DBX2: variants seen among roughly 807,000 people sequenced by gnomAD.
The protein encoded by DBX2 is homeobox protein DBX2.
Under a neutral mutation model 17.7 loss-of-function variants are expected in DBX2, and 16 were observed. That is an observed-to-expected ratio of 0.90 (90% CI 0.61 to 1.37). The LOEUF (loss-of-function observed/expected upper bound fraction) is 1.37. DBX2 is among the 40% of genes most tolerant of loss of function. The pLI, the probability that DBX2 is intolerant of heterozygous loss-of-function variation, is 0.00. For missense variants in DBX2, 538 were observed against 433.8 expected (o/e 1.24, Z -2.13); for synonymous variants, 255 against 183.8 (o/e 1.39, Z -3.13).
In DBX2 at chr12:45,023,862, C is replaced by G. The variant is rs765692517; in HGVS notation, c.532G>C (p.Asp178His). The change falls in exon 3 of 4, where the codon GAC (aspartate) becomes CAC (histidine). Residue 178 changes from aspartate to histidine, a missense_variant. Transcript: ENST00000332700. ...CCCCTCCGAGCTTTGGAATTAGAGT[C>G]CTGTGTCAGGAGAGGCAGCATGCTC... is the stretch of plus-strand genomic sequence containing the variant. Reference protein sequence around the residue: ...EESMLPLLTQDSNSKARRGIL... With the variant: ...EESMLPLLTQHSNSKARRGIL... 1.3e-6 allele frequency: 2 copies of G among 1,590,478 alleles called. No individual in the cohort carries two copies. Among genetic ancestry groups the G allele is most frequent in the Non-Finnish European group, 1.7e-6 (2 of 1,170,800 alleles).
Position 45,050,451 on chromosome 12 carries a change from G to T in DBX2, c.403+74C>A. 5 of 1,508,074 alleles carry T rather than the reference G, an allele frequency of 3.3e-6. No individual in the cohort carries two copies. In the South Asian group the frequency reaches 6.4e-5, roughly 19 times the overall value. 93.4% of individuals were successfully genotyped at this position (1,508,074 alleles called of 1,614,324 possible). A position where few individuals can be genotyped will look rare whatever the true frequency, so the allele number is the denominator to read the frequency against. Reference sequence around the variant, plus strand: ...TCCCTGGGCGCAGTGCGCACCGCCGGCGCTCCCAGATCCCTGGACCACCCG... The same window carrying T: ...TCCCTGGGCGCAGTGCGCACCGCCGTCGCTCCCAGATCCCTGGACCACCCG... On this transcript the variant is annotated intron_variant, in intron 1 of 3. Transcript: ENST00000332700.
At chr12:45,032,200 A>C (rs898634397) in intron 2 of DBX2, among the ~76,000 whole-genome samples, 2 of 152,176 alleles carry the variant, frequency 1.3e-5, no homozygotes, top group Non-Finnish European at 2.9e-5. Flanking sequence ...CCATTTATCT[A>C]TGGAACACCC....
At chr12:45,026,595 T>G (rs569724931) in intron 2 of DBX2, among the ~76,000 whole-genome samples, 46 of 152,352 alleles carry the variant, frequency 3.0e-4, no homozygotes, top group African/African-American at 1.1e-3. Flanking sequence ...ATAAACTGAT[T>G]TGTATTTTAG....
At chr12:45,019,956 A>G (rs966374921) in intron 3 of DBX2, among the ~76,000 whole-genome samples, 14 of 152,284 alleles carry the variant, frequency 9.2e-5, no homozygotes, top group Admixed American at 8.5e-4. Flanking sequence ...GAAGATTCTC[A>G]CAAACATACT....
chr12:45,019,067 G>A (rs984281985), intron 3 of DBX2, among the ~76,000 whole-genome samples: 7 of 151,882 alleles, frequency 4.6e-5, no homozygotes, highest in Non-Finnish European at 1.0e-4. Flanking sequence ...ATGAATGGTC[G>A]TGATGGTTTC....
At chr12:45,022,306 T>G (rs1946357067) in intron 3 of DBX2, among the ~76,000 whole-genome samples, 1 of 137,504 alleles carries the variant, frequency 7.3e-6, no homozygotes, top group African/African-American at 2.7e-5. Flanking sequence ...CTGTTTTTTT[T>G]TTTTTTTTTT....
chr12:45,033,806 T>C (rs934713659), intron 2 of DBX2, among the ~76,000 whole-genome samples: 2 of 152,186 alleles, frequency 1.3e-5, no homozygotes, highest in Non-Finnish European at 2.9e-5. Context: ...TTTCAGCTTC[T>C]ATATTTATTT....
chr12:45,024,749 G>C (rs901440591), intron 2 of DBX2, among the ~76,000 whole-genome samples: 1 of 152,188 alleles, frequency 6.6e-6, no homozygotes, highest in Non-Finnish European at 1.5e-5. Context: ...CAAATGTGTT[G>C]TATTCCTAAG....
intron 3 of DBX2, among the ~76,000 whole-genome samples, chr12:45,016,898 C>T (rs1422148281): frequency 1.3e-5 from 2 of 152,126 alleles, no homozygotes; most frequent in Admixed American, 6.5e-5. Context: ...ATCCTCCCAT[C>T]TCAGCTTCCT....
chr12:45,050,207 G>A (rs920413999), intron 1 of DBX2, among the ~76,000 whole-genome samples: 2 of 152,180 alleles, frequency 1.3e-5, no homozygotes, highest in African/African-American at 4.8e-5. Context: ...ACTGATCCAG[G>A]CAGGCCGTAG....
chr12:45,016,143 A>C lies in DBX2; in HGVS notation c.*143T>G. ...CTAGGGCCAAACAAGAGAACACTAGAGTGGGTTTCCTAAAGCATTAGTTCA... is the reference window on the plus strand; with the variant it reads ...CTAGGGCCAAACAAGAGAACACTAGCGTGGGTTTCCTAAAGCATTAGTTCA... On this transcript the variant is annotated 3_prime_UTR_variant, in exon 4 of 4. Transcript: ENST00000332700. The C allele has an allele frequency of 1.2e-6, 1 of 813,634 alleles. No individual in the cohort carries two copies. Among genetic ancestry groups the C allele is most frequent in the Non-Finnish European group, 1.8e-6 (1 of 553,254 alleles). 50.4% of individuals were successfully genotyped at this position (813,634 alleles called of 1,614,324 possible).
intron 3 of DBX2, among the ~76,000 whole-genome samples, chr12:45,020,809 G>A (rs1946347970): frequency 6.6e-6 from 1 of 151,898 alleles, no homozygotes; most frequent in South Asian, 2.1e-4. Flanking sequence ...CGCATGGTAA[G>A]CATGCAAGTG....
Position 45,020,812 on chromosome 12 carries a change from T to C in DBX2, c.687+2895A>G, listed in dbSNP as rs144841290. Among the ~76,000 whole-genome samples the C allele has an allele frequency of 7.6e-3, 1,159 of 152,090 alleles. 14 individuals carry two copies. The highest frequency in any genetic ancestry group is 0.025 in the African/African-American group (1,022 of 41,496). ...CAAATGTAAGGGCGCATGGTAAGCA[T>C]GCAAGTGTTTGTGTTATTATATGTT... On this transcript the variant is annotated intron_variant, in intron 3 of 3. Transcript: ENST00000332700.
At chr12:45,027,814 G>C (rs1463118443) in intron 2 of DBX2, among the ~76,000 whole-genome samples, 1 of 152,180 alleles carries the variant, frequency 6.6e-6, no homozygotes, top group Non-Finnish European at 1.5e-5. Context: ...GCCTTTTTGG[G>C]AATAACCAGT....
At chr12:45,032,215 C>G (rs1302433651) in intron 2 of DBX2, among the ~76,000 whole-genome samples, 2 of 152,152 alleles carry the variant, frequency 1.3e-5, no homozygotes, top group African/African-American at 4.8e-5. Flanking sequence ...ACACCCCTCC[C>G]TGTACTTTTG....
chr12:45,036,244 A>G lies in DBX2; in HGVS notation c.404-130T>C, dbSNP rs1946440512. The G allele has an allele frequency of 7.2e-6, 6 of 833,336 alleles. No individual in the cohort carries two copies. The East Asian group carries it at 1.5e-4, about 21-fold the overall frequency. 51.6% of individuals were successfully genotyped at this position (833,336 alleles called of 1,614,324 possible). On this transcript the variant is annotated intron_variant, in intron 1 of 3. Coordinates refer to ENST00000332700, the MANE Select transcript of DBX2 (RefSeq NM_001004329.3). Reference sequence around the variant, plus strand: ...AATTTGTATTGAAATTAAAGTTATTATAAAGTAGCCTTTGTCTGTCAAAGA... The same window carrying G: ...AATTTGTATTGAAATTAAAGTTATTGTAAAGTAGCCTTTGTCTGTCAAAGA...
At chr12:45,041,049 G>GAAAA (rs987871432) in intron 1 of DBX2, among the ~76,000 whole-genome samples, 1 of 96,036 alleles carries the variant, frequency 1.0e-5, no homozygotes, top group Non-Finnish European at 2.2e-5. Flanking sequence ...CTGGGGGGAA[G>GAAAA]AAAAAAAAAA....
At chr12:45,017,080 C>T (rs1018173182) in intron 3 of DBX2, among the ~76,000 whole-genome samples, 1 of 152,234 alleles carries the variant, frequency 6.6e-6, no homozygotes, top group East Asian at 1.9e-4. Context: ...GCCACCACGC[C>T]CTGCCAAAAA....
Position 45,019,705 on chromosome 12 carries a change from A to T in DBX2, c.688-3087T>A, listed in dbSNP as rs535092643. 2.2e-4 allele frequency among the ~76,000 whole-genome samples: 34 copies of T among 152,252 alleles called. No homozygotes were observed. The South Asian group carries it at 7.0e-3, about 32-fold the overall frequency. Reference sequence around the variant, plus strand: ...GACGATGGTGAAATGATGGTCTGTTATGAAAGACAAAAAAGAATGAAGTAG... The same window carrying T: ...GACGATGGTGAAATGATGGTCTGTTTTGAAAGACAAAAAAGAATGAAGTAG... On this transcript the variant is annotated intron_variant, in intron 3 of 3. Transcript: ENST00000332700.
Sources: gnomAD v4.1 joint callset for allele counts (sites outside exome capture counted in the v4.1 genomes callset) on GRCh38, gnomAD v4.1.1 for gene constraint, MANE v1.5 for transcripts, NCBI Gene and HGNC (gene_info 2026-07-23, HGNC 2026-07-21) for gene names.